Variants in AFG1L observed in about 807,000 individuals in gnomAD.
AFG1L encodes the protein AFG1 like ATPase.
AFG1L carries 53 observed loss-of-function variants against 62.2 expected under a neutral mutation model. The ratio of observed to expected loss-of-function variants is 0.85; its 90% CI spans 0.68 to 1.07. The LOEUF (loss-of-function observed/expected upper bound fraction) is 1.07, where lower values mean the gene tolerates loss of function less well. AFG1L is among the 50% of genes least tolerant of loss of function. The probability of loss-of-function intolerance (pLI) is 0.00; values close to 1 mark genes in which losing one functional copy is unlikely to be tolerated. For missense variants in AFG1L, 555 were observed against 590.5 expected, an observed-to-expected ratio of 0.94 and a Z score of 0.62; for synonymous variants, 228 against 210.3, an observed-to-expected ratio of 1.08 and a Z score of -0.73.
At chr6:108,422,615 G>A (rs190552834) in intron 7 of AFG1L, among the ~76,000 whole-genome samples, 52 of 151,654 alleles carry the variant, frequency 3.4e-4, no homozygotes, top group Non-Finnish European at 6.2e-4. Context: ...CTCTAAGTAA[G>A]TTTTATAATT....
At chr6:108,490,858 A>T (rs1773749009) in intron 10 of AFG1L, among the ~76,000 whole-genome samples, 1 of 152,228 alleles carries the variant, frequency 6.6e-6, no homozygotes, top group Admixed American at 6.5e-5. Flanking sequence ...CTTCTCTAAG[A>T]ATATCTCTCT....
chr6:108,494,665 A>G (rs1369764034), intron 10 of AFG1L, among the ~76,000 whole-genome samples: 2 of 152,046 alleles, frequency 1.3e-5, no homozygotes, highest in African/African-American at 4.8e-5. Flanking sequence ...TGGACTTCAT[A>G]TTCGTGAGAT....
At chr6:108,409,532 A>G (rs1465373437) in intron 7 of AFG1L, among the ~76,000 whole-genome samples, 1 of 152,220 alleles carries the variant, frequency 6.6e-6, no homozygotes, top group Non-Finnish European at 1.5e-5. Context: ...GAACTACCTC[A>G]GGAAATGGGA....
chr6:108,431,955 A>G (rs941417441), intron 7 of AFG1L, among the ~76,000 whole-genome samples: 1 of 150,402 alleles, frequency 6.6e-6, no homozygotes, highest in Non-Finnish European at 1.5e-5. Flanking sequence ...ACAGAGTTCC[A>G]GACACTGACA....
chr6:108,318,412 T>A (rs1582581765), intron 1 of AFG1L: 1 of 256,272 alleles, frequency 3.9e-6, no homozygotes, highest in East Asian at 9.3e-5. Context: ...TTTCTAAGTA[T>A]CATCTTTTGT....
rs1317841409 is a variant in AFG1L at position 108,380,614 on chromosome 6, A to C, written c.748+14282A>C. Among the ~76,000 whole-genome samples the C allele has an allele frequency of 2.6e-5, 4 of 152,274 alleles. No homozygotes were observed. The East Asian group carries it at 5.8e-4, about 22-fold the overall frequency. Reference sequence around the variant, plus strand: ...TATCCAACTCTGGAGCAGGTGTTCCAATCTCTGGCCTGAGACTAAAATGCC... The same window carrying C: ...TATCCAACTCTGGAGCAGGTGTTCCCATCTCTGGCCTGAGACTAAAATGCC... On this transcript the variant is annotated intron_variant, in intron 6 of 12. Transcript: ENST00000368977.
intron 5 of AFG1L, among the ~76,000 whole-genome samples, chr6:108,362,365 A>G (rs1184590171): frequency 6.6e-6 from 1 of 152,022 alleles, no homozygotes; most frequent in Non-Finnish European, 1.5e-5. Flanking sequence ...TAGAATGCTT[A>G]TATTCCATCT....
At chr6:108,510,643 G>A (rs764839443) in intron 11 of AFG1L, among the ~76,000 whole-genome samples, 1 of 152,226 alleles carries the variant, frequency 6.6e-6, no homozygotes, top group Non-Finnish European at 1.5e-5. Flanking sequence ...CCCATCACAA[G>A]ACACTCTGCT....
chr6:108,395,512 C>A (rs192220327), intron 6 of AFG1L, among the ~76,000 whole-genome samples: 7 of 150,084 alleles, frequency 4.7e-5, no homozygotes, highest in Non-Finnish European at 3.0e-5. Flanking sequence ...GGTGAGCCTC[C>A]CACCTCATCT....
chr6:108,453,062 G>C (rs1772118760), intron 8 of AFG1L, among the ~76,000 whole-genome samples: 1 of 152,184 alleles, frequency 6.6e-6, no homozygotes, highest in Non-Finnish European at 1.5e-5. Context: ...GCATTTACCG[G>C]ACATTAGACC....
intron 10 of AFG1L, among the ~76,000 whole-genome samples, chr6:108,508,165 T>C (rs1774496239): frequency 6.6e-6 from 1 of 152,218 alleles, no homozygotes; most frequent in Admixed American, 6.5e-5. Context: ...AATTTGCCAG[T>C]GGCACCCAGT....
chr6:108,513,896 G>T (rs144143497), intron 11 of AFG1L, among the ~76,000 whole-genome samples: 12,959 of 152,192 alleles, frequency 0.085, 665 homozygotes, highest in South Asian at 0.24. Context: ...ACATGGCCGG[G>T]TACTCCTCTG....
chr6:108,472,535 A>T (rs1772936906), intron 8 of AFG1L, among the ~76,000 whole-genome samples: 1 of 152,204 alleles, frequency 6.6e-6, no homozygotes, highest in Non-Finnish European at 1.5e-5. Flanking sequence ...TTTTAAACGA[A>T]TGTCCATTTG....
intron 10 of AFG1L, among the ~76,000 whole-genome samples, chr6:108,484,371 G>T (rs1292092096): frequency 1.3e-5 from 2 of 152,176 alleles, no homozygotes; most frequent in Non-Finnish European, 2.9e-5. Flanking sequence ...TAGAGAATGG[G>T]TCAGATTCTT....
chr6:108,487,885 C>T (rs572775252), intron 10 of AFG1L, among the ~76,000 whole-genome samples: 11 of 152,252 alleles, frequency 7.2e-5, no homozygotes, highest in African/African-American at 2.6e-4. Context: ...CCATCAAAAT[C>T]AGGCAGAGAA....
At chr6:108,338,998 A>T (rs905571455) in intron 2 of AFG1L, among the ~76,000 whole-genome samples, 17 of 151,802 alleles carry the variant, frequency 1.1e-4, no homozygotes, top group African/African-American at 4.1e-4. Context: ...GTCCTCTCAA[A>T]CTTTCAGATT....
Position 108,488,296 on chromosome 6 carries a change from T to A in AFG1L, c.1062+11004T>A, listed in dbSNP as rs571134412. On this transcript the variant is annotated intron_variant, in intron 10 of 12. Coordinates refer to ENST00000368977, the MANE Select transcript of AFG1L (RefSeq NM_145315.5). ...TCTCCACTTTTATGGAGTCTTAATT[T>A]AGAAGAGAAAATGAGGTCAGTACAT... Among the ~76,000 whole-genome samples the A allele has an allele frequency of 7.2e-5, 11 of 152,258 alleles. No individual in the cohort carries two copies. The South Asian group carries it at 2.3e-3, about 32-fold the overall frequency.
chr6:108,389,096 T>A (rs1474457299), intron 6 of AFG1L, among the ~76,000 whole-genome samples: 10 of 152,220 alleles, frequency 6.6e-5, no homozygotes, highest in Non-Finnish European at 1.5e-4. Context: ...GAGAGTTAGC[T>A]CTTCCTGTTG....
At chr6:108,314,719 G>A (rs538782373) in intron 1 of AFG1L, among the ~76,000 whole-genome samples, 1 of 152,090 alleles carries the variant, frequency 6.6e-6, no homozygotes, top group East Asian at 1.9e-4. Flanking sequence ...TCTTAGAGGG[G>A]TTAAGTTTAA....
Sources: allele counts gnomAD v4.1 joint callset (sites outside exome capture counted in the v4.1 genomes callset), GRCh38; gene constraint gnomAD v4.1.1; transcripts MANE v1.5; gene names NCBI Gene and HGNC (gene_info 2026-07-23, HGNC 2026-07-21).